Variants in ANKFN1 observed in about 807,000 individuals in gnomAD.
ANKFN1 encodes the protein ankyrin repeat and fibronectin type III domain containing 1.
ANKFN1 carries 74 observed loss-of-function variants against 108.7 expected under a neutral mutation model. The ratio of observed to expected loss-of-function variants is 0.68; its 90% CI spans 0.56 to 0.83. The LOEUF (loss-of-function observed/expected upper bound fraction) is 0.83, where lower values mean the gene tolerates loss of function less well. Ranked by LOEUF, ANKFN1 falls within the 40% of genes least tolerant of loss-of-function variation. The pLI is 0.00. For synonymous variants in ANKFN1, 547 were observed against 516.2 expected (o/e 1.06, Z -0.81); for missense variants, 1,505 against 1,382.3 (o/e 1.09, Z -1.41).
chr17:56,161,377 A>T (rs1909641236), intron 1 of ANKFN1, among the ~76,000 whole-genome samples: 1 of 152,188 alleles, frequency 6.6e-6, no homozygotes, highest in Non-Finnish European at 1.5e-5. Context: ...TTCAGGGAAG[A>T]TAGTCATTAT....
At chr17:56,167,844 A>G (rs1301134277) in intron 1 of ANKFN1, among the ~76,000 whole-genome samples, 1 of 152,164 alleles carries the variant, frequency 6.6e-6, no homozygotes, top group Non-Finnish European at 1.5e-5. Flanking sequence ...TCACTTAAGC[A>G]ATTAATGGCC....
intron 4 of ANKFN1, among the ~76,000 whole-genome samples, chr17:56,103,568 C>T (rs756682411): frequency 9.2e-5 from 14 of 151,962 alleles, no homozygotes; most frequent in Non-Finnish European, 1.5e-5. Context: ...TGTGGTTCTT[C>T]CATGAGGTAA....
Position 56,457,313 on chromosome 17 carries a change from A to G in ANKFN1, c.1364A>G (p.Glu455Gly). The G allele has an allele frequency of 1.2e-6, 2 of 1,604,850 alleles. No homozygotes were observed. Among genetic ancestry groups the G allele is most frequent in the Non-Finnish European group, 8.5e-7 (1 of 1,174,154 alleles). Residue 455 changes from glutamate (E) to glycine (G), a missense_variant, in exon 13 of 21, where the codon GAA (glutamate) becomes GGA (glycine). Transcript: ENST00000682825. The part of the protein sequence containing the change: ...YYKDNILVTN[E>G]DQVPIVEIDD... The stretch of plus-strand genomic sequence containing the variant: ...AAAGACAATATCTTAGTCACCAATG[A>G]AGATCAAGTACCAATTGTTGAAATA...
Position 56,223,876 on chromosome 17 carries a change from CA to C in ANKFN1, c.13-4038del, listed in dbSNP as rs1381230544. 1.4e-4 allele frequency among the ~76,000 whole-genome samples: 22 copies of C among 152,300 alleles called. No individual in the cohort carries two copies. The East Asian group carries it at 3.9e-3, about 27-fold the overall frequency. ...CACTAGGATTGGGCACGTTCTCTTC[CA>C]AATGCTTTATATGTATATCCTCCAA... On this transcript the variant is annotated intron_variant, in intron 2 of 20. Transcript: ENST00000682825.
At chr17:56,193,958 A>C (rs1227238936) in intron 1 of ANKFN1, among the ~76,000 whole-genome samples, 1 of 152,262 alleles carries the variant, frequency 6.6e-6, no homozygotes, top group African/African-American at 2.4e-5. Flanking sequence ...TTAAAAAATG[A>C]GGCAAAGATC....
At chr17:56,374,263 A>G (rs1364259474) in intron 7 of ANKFN1, among the ~76,000 whole-genome samples, 1 of 152,182 alleles carries the variant, frequency 6.6e-6, no homozygotes, top group Non-Finnish European at 1.5e-5. Flanking sequence ...ATAAAACGTA[A>G]GGGTGTCCAC....
chr17:56,164,495 C>T (rs1479520833), intron 1 of ANKFN1, among the ~76,000 whole-genome samples: 1 of 152,050 alleles, frequency 6.6e-6, no homozygotes. Context: ...CAGCCCGTAG[C>T]ACAGTAGCTG....
intron 3 of ANKFN1, among the ~76,000 whole-genome samples, chr17:56,251,122 G>A (rs2043224635): frequency 6.6e-6 from 1 of 152,194 alleles, no homozygotes; most frequent in African/African-American, 2.4e-5. Context: ...TGACCACAGT[G>A]GCTCATGCCT....
intron 10 of ANKFN1, among the ~76,000 whole-genome samples, chr17:56,448,777 AG>A: frequency 6.6e-6 from 1 of 152,142 alleles, no homozygotes; most frequent in Admixed American, 6.5e-5. Context: ...AAAGGGGAGA[AG>A]GGGTTGGAAG....
At chr17:56,202,167 T>C (rs1011102102) in intron 1 of ANKFN1, among the ~76,000 whole-genome samples, 4 of 152,214 alleles carry the variant, frequency 2.6e-5, no homozygotes, top group Non-Finnish European at 4.4e-5. Flanking sequence ...GAGTTGGAAA[T>C]GGATGTGAGC....
At chr17:56,126,604 G>C (rs550734334) in intron 4 of ANKFN1, among the ~76,000 whole-genome samples, 61 of 152,224 alleles carry the variant, frequency 4.0e-4, no homozygotes, top group African/African-American at 1.5e-3. Context: ...CATACAGACC[G>C]ACCAGGGGAC....
At chr17:56,206,205 T>A (rs558458191) in intron 1 of ANKFN1, among the ~76,000 whole-genome samples, 7 of 152,206 alleles carry the variant, frequency 4.6e-5, no homozygotes, top group Non-Finnish European at 7.3e-5. Context: ...TATAGTTTTG[T>A]CTGTATATAG....
chr17:56,216,876 C>A (rs1054524011), intron 2 of ANKFN1, among the ~76,000 whole-genome samples: 3 of 152,146 alleles, frequency 2.0e-5, no homozygotes, highest in African/African-American at 7.2e-5. Context: ...ATTAAGCTTA[C>A]TGGGAATTCT....
At chr17:56,170,069 G>C (rs143122904) in intron 1 of ANKFN1, among the ~76,000 whole-genome samples, 280 of 152,284 alleles carry the variant, frequency 1.8e-3, no homozygotes, top group Non-Finnish European at 3.3e-3. Flanking sequence ...GGTCCTGAAA[G>C]TGTCCCTTGT....
At chr17:56,451,226 A>G (rs2049474545) in intron 11 of ANKFN1, among the ~76,000 whole-genome samples, 2 of 152,202 alleles carry the variant, frequency 1.3e-5, no homozygotes, top group South Asian at 4.1e-4. Flanking sequence ...CAGACATGTC[A>G]CATTTGCTTA....
intron 1 of ANKFN1, among the ~76,000 whole-genome samples, chr17:56,154,215 TG>T (rs1489525051): frequency 6.6e-6 from 1 of 152,156 alleles, no homozygotes; most frequent in Non-Finnish European, 1.5e-5. Context: ...GTTATTGACT[TG>T]GTTAATACTA....
At chr17:56,307,218 T>C (rs2044856338) in intron 3 of ANKFN1, among the ~76,000 whole-genome samples, 3 of 152,126 alleles carry the variant, frequency 2.0e-5, no homozygotes, top group Non-Finnish European at 4.4e-5. Flanking sequence ...AAAGCCAAAA[T>C]TGACAAATGG....
intron 20 of ANKFN1, among the ~76,000 whole-genome samples, chr17:56,500,495 A>G (rs1329287424): frequency 2.0e-5 from 3 of 152,234 alleles, no homozygotes; most frequent in African/African-American, 7.2e-5. Context: ...AGTTAGGCTA[A>G]TAAGAGAAAC....
chr17:56,153,483 A>C lies in ANKFN1; in HGVS notation c.-118A>C. The C allele has an allele frequency of 6.2e-7, 1 of 1,613,892 alleles. No homozygotes were observed. On this transcript the variant is annotated 5_prime_UTR_variant, in exon 1 of 21. Transcript: ENST00000682825. Reference sequence around the variant, plus strand: ...CCTCCACCCCCCAGGTCCTCTTTCAACTCAAGAGCTCAGTCCTGTGTCTCT... The same window carrying C: ...CCTCCACCCCCCAGGTCCTCTTTCACCTCAAGAGCTCAGTCCTGTGTCTCT...
Sources: gnomAD v4.1 joint callset for allele counts (sites outside exome capture counted in the v4.1 genomes callset) on GRCh38, gnomAD v4.1.1 for gene constraint, MANE v1.5 for transcripts, NCBI Gene and HGNC (gene_info 2026-07-23, HGNC 2026-07-21) for gene names.